The following TFEC variants were observed in gnomAD, a reference collection of about 807,000 sequenced individuals.
The protein encoded by TFEC is class E basic helix-loop-helix protein 34.
In TFEC, 31 loss-of-function variants were observed where a neutral mutation model predicts 41.6. The observed-to-expected ratio is 0.74, with a 90% CI of 0.56 to 1.01. The LOEUF (loss-of-function observed/expected upper bound fraction) is 1.01, where lower values mean the gene tolerates loss of function less well. Ranked by LOEUF, TFEC falls within the 50% of genes least tolerant of loss-of-function variation. The pLI is 0.00. For missense variants in TFEC, 402 were observed against 404.1 expected, an observed-to-expected ratio of 0.99 and a Z score of 0.04; for synonymous variants, 143 against 140.6, an observed-to-expected ratio of 1.02 and a Z score of -0.12.
intron 3 of TFEC, among the ~76,000 whole-genome samples, chr7:116,046,878 C>G (rs545670316): frequency 6.6e-6 from 1 of 152,164 alleles, no homozygotes; most frequent in African/African-American, 2.4e-5. Context: ...TATTCTCTCA[C>G]CAGAGAGGTG....
At chr7:116,043,667 A>C (rs1796092235) in intron 3 of TFEC, among the ~76,000 whole-genome samples, 1 of 152,232 alleles carries the variant, frequency 6.6e-6, no homozygotes, top group African/African-American at 2.4e-5. Flanking sequence ...CTGTACCTGC[A>C]AATAACAGGA....
chr7:115,973,245 A>G (rs1242647777), intron 3 of TFEC, among the ~76,000 whole-genome samples: 1 of 151,978 alleles, frequency 6.6e-6, no homozygotes, highest in Non-Finnish European at 1.5e-5. Flanking sequence ...TAGATAGTCT[A>G]CTTAAGAATT....
chr7:116,151,202 T>C (rs571053106), intron 1 of TFEC, among the ~76,000 whole-genome samples: 1 of 151,802 alleles, frequency 6.6e-6, no homozygotes, highest in South Asian at 2.1e-4. Context: ...GTAACATTAA[T>C]CTAAACATAG....
At chr7:116,101,486 A>C (rs556169064) in intron 3 of TFEC, among the ~76,000 whole-genome samples, 2 of 152,306 alleles carry the variant, frequency 1.3e-5, no homozygotes, top group South Asian at 4.1e-4. Context: ...ACTTTAAATA[A>C]GTTTAACATA....
At chr7:116,005,228 C>T (rs533125721) in intron 1 of TFEC, among the ~76,000 whole-genome samples, 14 of 152,064 alleles carry the variant, frequency 9.2e-5, no homozygotes, top group African/African-American at 2.2e-4. Context: ...AATGTGGAAG[C>T]GACTTTGGAA....
rs892804805 is a variant in TFEC, at chr7:116,104,709, T to C, written c.198+5999A>G. Among the ~76,000 whole-genome samples, 15 of 151,174 alleles carry C rather than the reference T, an allele frequency of 9.9e-5. 1 individual carries two copies. Among genetic ancestry groups the C allele is most frequent in the Non-Finnish European group, 2.1e-4 (14 of 67,874 alleles). On this transcript the variant is annotated intron_variant, in intron 3 of 8. Transcript: ENST00000484212. ...GAGGGACTTTGAAGTATGTAAAGTA[T>C]AATATACAGTCCACTTGACATAATT...
At chr7:116,081,966 A>T (rs1479438672) in intron 3 of TFEC, among the ~76,000 whole-genome samples, 1 of 151,870 alleles carries the variant, frequency 6.6e-6, no homozygotes, top group African/African-American at 2.4e-5. Context: ...CTTCATGTAT[A>T]TGTATTTAGT....
chr7:116,111,735 C>T (rs1438129401), intron 2 of TFEC, among the ~76,000 whole-genome samples: 1 of 151,876 alleles, frequency 6.6e-6, no homozygotes, highest in East Asian at 1.9e-4. Flanking sequence ...TCTTTCTGGG[C>T]CCTAAAAACT....
At chr7:116,000,195 G>C (rs1231387790) in intron 1 of TFEC, among the ~76,000 whole-genome samples, 1 of 151,992 alleles carries the variant, frequency 6.6e-6, no homozygotes. Context: ...CATATCAACA[G>C]AATGAAGAAC....
chr7:116,084,161 C>A (rs77891189), intron 3 of TFEC, among the ~76,000 whole-genome samples: 1 of 151,906 alleles, frequency 6.6e-6, no homozygotes, highest in Non-Finnish European at 1.5e-5. Context: ...CTGTGCCCAG[C>A]CACCTTGTAT....
intron 1 of TFEC, among the ~76,000 whole-genome samples, chr7:116,000,063 A>G (rs1794529251): frequency 6.6e-6 from 1 of 152,078 alleles, no homozygotes; most frequent in South Asian, 2.1e-4. Context: ...TGATGCAAAA[A>G]TCCTCAACAA....
At chr7:116,061,987 T>C (rs1337025218) in intron 3 of TFEC, among the ~76,000 whole-genome samples, 1 of 151,874 alleles carries the variant, frequency 6.6e-6, no homozygotes, top group East Asian at 1.9e-4. Context: ...CATACTCTGC[T>C]GGTAGGAATT....
chr7:116,092,585 T>C (rs1374522530), intron 3 of TFEC, among the ~76,000 whole-genome samples: 3 of 152,218 alleles, frequency 2.0e-5, no homozygotes, highest in South Asian at 2.1e-4. Flanking sequence ...TATGTATGTG[T>C]ACATGAATTA....
In TFEC at chr7:116,001,606, T is replaced by C. The variant is rs1794600463; in HGVS notation, c.-72-17093A>G. 2.0e-5 allele frequency among the ~76,000 whole-genome samples: 3 copies of C among 151,506 alleles called. No individual in the cohort carries two copies. In the South Asian group the frequency reaches 6.2e-4, roughly 32 times the overall value. On this transcript the variant is annotated intron_variant, in intron 1 of 7. Coordinates refer to ENST00000265440, the MANE Select transcript of TFEC (RefSeq NM_012252.4). The stretch of plus-strand genomic sequence containing the variant: ...GACTGGGCAGTTATTTTTTGAGTAA[T>C]ATCCCACAAGCACAGGCAACCAAAG...
upstream of TFEC, among the ~76,000 whole-genome samples, chr7:116,033,880 C>A (rs1156932700): frequency 6.6e-6 from 1 of 152,128 alleles, no homozygotes; most frequent in African/African-American, 2.4e-5. Context: ...CTCAAAAGAG[C>A]TATCAATACT....
intron 1 of TFEC, among the ~76,000 whole-genome samples, chr7:116,124,895 A>G (rs1798178917): frequency 6.6e-6 from 1 of 152,196 alleles, no homozygotes; most frequent in Non-Finnish European, 1.5e-5. Flanking sequence ...AAAGAATGCA[A>G]ATGGCCTGCA....
chr7:116,015,536 A>C (rs1795156828), intron 1 of TFEC, among the ~76,000 whole-genome samples: 1 of 152,172 alleles, frequency 6.6e-6, no homozygotes, highest in Non-Finnish European at 1.5e-5. Context: ...AATGTGATCA[A>C]TTAGCATTTC....
At chr7:116,094,004 A>T (rs1797390121) in intron 3 of TFEC, among the ~76,000 whole-genome samples, 1 of 152,200 alleles carries the variant, frequency 6.6e-6, no homozygotes, top group South Asian at 2.1e-4. Context: ...GAACTTATAA[A>T]AGTGAGTCGA....
At chr7:116,015,924 G>A (rs1554630) in intron 1 of TFEC, among the ~76,000 whole-genome samples, 1 of 152,056 alleles carries the variant, frequency 6.6e-6, no homozygotes, top group Admixed American at 6.6e-5. Flanking sequence ...AGACACAAAC[G>A]TGGTGGCCAG....
Sources: gnomAD v4.1 joint callset for allele counts (sites outside exome capture counted in the v4.1 genomes callset) on GRCh38, gnomAD v4.1.1 for gene constraint, MANE v1.5 for transcripts, NCBI Gene and HGNC (gene_info 2026-07-23, HGNC 2026-07-21) for gene names.